Variants in PAPSS1 observed in about 807,000 individuals in gnomAD.
PAPSS1 encodes bifunctional 3'-phosphoadenosine 5'-phosphosulfate synthase 1.
PAPSS1 carries 50 observed loss-of-function variants against 72.0 expected under a neutral mutation model. The observed-to-expected ratio is 0.69, with a 90% CI of 0.55 to 0.88. PAPSS1 has a LOEUF of 0.88. Ranked by LOEUF, PAPSS1 falls within the 40% of genes least tolerant of loss-of-function variation. The probability of loss-of-function intolerance (pLI) is 0.00; values close to 1 mark genes in which losing one functional copy is unlikely to be tolerated. For synonymous variants in PAPSS1, 261 were observed against 263.6 expected (o/e 0.99, Z 0.09); for missense variants, 657 against 782.2 (o/e 0.84, Z 1.91).
At chr4:107,620,290 AG>A (rs762015345) in intron 11 of PAPSS1, among the ~76,000 whole-genome samples, 2 of 152,248 alleles carry the variant, frequency 1.3e-5, no homozygotes, top group Non-Finnish European at 2.9e-5. Context: ...CATCAAACAT[AG>A]TATACATCAA....
chr4:107,643,994 TAG>T (rs1467093819), intron 10 of PAPSS1, among the ~76,000 whole-genome samples: 2 of 152,156 alleles, frequency 1.3e-5, no homozygotes, highest in East Asian at 3.9e-4. Flanking sequence ...AAACATAGTA[TAG>T]AGAGGTCTCA....
chr4:107,638,024 G>A (rs951705751), intron 10 of PAPSS1, among the ~76,000 whole-genome samples: 2 of 151,250 alleles, frequency 1.3e-5, no homozygotes, highest in Non-Finnish European at 3.0e-5. Context: ...CAAGCTGACT[G>A]GAACAATCTA....
rs111884984 is a variant in PAPSS1, at chr4:107,679,710, G to A, written c.669+2305C>T. Among the ~76,000 whole-genome samples the A allele has an allele frequency of 6.9e-3, 1,010 of 147,010 alleles. 11 individuals are homozygous for A. The highest frequency in any genetic ancestry group is 0.023 in the African/African-American group (896 of 39,642). ...TTTTTTTTTTTTGAGACAGAATCTC[G>A]CTCTGTCACCCAGGCTGGAGAGCAG... On this transcript the variant is annotated intron_variant, in intron 5 of 11. Coordinates refer to ENST00000265174, the MANE Select transcript of PAPSS1 (RefSeq NM_005443.5).
chr4:107,626,197 A>C (rs2110298993), intron 11 of PAPSS1, among the ~76,000 whole-genome samples: 1 of 147,984 alleles, frequency 6.8e-6, no homozygotes, highest in African/African-American at 2.4e-5. Context: ...AAAAAAAAGT[A>C]TACTCTGGCA....
In PAPSS1 at chr4:107,654,841, T is replaced by C; in HGVS notation, c.955A>G (p.Arg319Gly). 1 of 1,614,032 alleles carries C rather than the reference T, an allele frequency of 6.2e-7. No individual in the cohort carries two copies. Among genetic ancestry groups the C allele is most frequent in the Non-Finnish European group, 8.5e-7 (1 of 1,179,948 alleles). The change falls in exon 8 of 12, where the codon AGG (arginine) becomes GGG (glycine). Residue 319 changes from arginine (R) to glycine (G), a missense_variant. Arg to Gly is a moderately radical substitution (Grantham distance 125). Transcript: ENST00000265174. Reference sequence around the variant, plus strand: ...GCAAATGCTGTACAGCCGTCCAGCCTCTCTTTATCTTCATGAGTCGCAGTC... The same window carrying C: ...GCAAATGCTGTACAGCCGTCCAGCCCCTCTTTATCTTCATGAGTCGCAGTC... Reference protein sequence around the residue: ...VLTATHEDKERLDGCTAFALM... With the variant: ...VLTATHEDKEGLDGCTAFALM...
At chr4:107,628,784 T>C (rs887533477) in intron 11 of PAPSS1, among the ~76,000 whole-genome samples, 17 of 152,308 alleles carry the variant, frequency 1.1e-4, no homozygotes, top group Admixed American at 1.1e-3. Flanking sequence ...CATTTTGGGC[T>C]AAGAGGGAAT....
intron 4 of PAPSS1, among the ~76,000 whole-genome samples, chr4:107,685,672 A>AC (rs1722764855): frequency 6.6e-6 from 1 of 152,244 alleles, no homozygotes. Flanking sequence ...GATTCTCCAT[A>AC]GTGGCATTAC....
At chr4:107,672,466 A>G (rs1284614285) in intron 5 of PAPSS1, among the ~76,000 whole-genome samples, 1 of 152,176 alleles carries the variant, frequency 6.6e-6, no homozygotes, top group Non-Finnish European at 1.5e-5. Context: ...AGCCTCGCTC[A>G]TTGCTAGCAC....
chr4:107,694,335 T>A (rs562863712), intron 2 of PAPSS1: 41 of 251,334 alleles, frequency 1.6e-4, no homozygotes, highest in African/African-American at 9.1e-4. Context: ...ATACATTCAT[T>A]ATGCAAAGCA....
Position 107,693,925 on chromosome 4 carries a change from A to G in PAPSS1, c.257T>C (p.Leu86Pro). The change falls in exon 3 of 12, where the codon CTG (leucine) becomes CCG (proline). Residue 86 changes from leucine to proline, a missense_variant. By Grantham distance (98) the Leu-to-Pro change is moderately conservative. Around this residue, in one of 7 missense-constraint regions of PAPSS1, gnomAD observed 119 missense variants for 171.1 expected, o/e 0.70. Transcript: ENST00000265174. Reference protein sequence around the residue: ...LVCHGIPCYTLDGDNIRQGLN... With the variant: ...LVCHGIPCYTPDGDNIRQGLN... The stretch of plus-strand genomic sequence containing the variant: ...ACCTTGACGAATATTGTCACCATCC[A>G]GAGTGTAGCATGGAATACCATGACA... The G allele has an allele frequency of 6.2e-7, 1 of 1,613,886 alleles. No homozygotes were observed.
chr4:107,624,999 A>G (rs1406510582), intron 11 of PAPSS1, among the ~76,000 whole-genome samples: 1 of 152,230 alleles, frequency 6.6e-6, no homozygotes, highest in Non-Finnish European at 1.5e-5. Flanking sequence ...AGAGTGAGGG[A>G]AAAGGATAAA....
chr4:107,677,614 G>T (rs1727689415), intron 5 of PAPSS1, among the ~76,000 whole-genome samples: 1 of 152,208 alleles, frequency 6.6e-6, no homozygotes, highest in African/African-American at 2.4e-5. Flanking sequence ...CCACCATTGT[G>T]GAAGTCAGTG....
chr4:107,621,843 T>C (rs977001297), intron 11 of PAPSS1, among the ~76,000 whole-genome samples: 2 of 151,758 alleles, frequency 1.3e-5, no homozygotes, highest in African/African-American at 4.8e-5. Flanking sequence ...TTAGCCAGGA[T>C]GGTCTTGATC....
chr4:107,665,415 A>G (rs867442351), intron 5 of PAPSS1, among the ~76,000 whole-genome samples: 1 of 152,232 alleles, frequency 6.6e-6, no homozygotes, highest in African/African-American at 2.4e-5. Flanking sequence ...TAGGATTTCC[A>G]CAGACACAGC....
At chr4:107,644,776 C>T in intron 10 of PAPSS1, 26 bp downstream of exon 10, 1 of 1,582,952 alleles carries the variant, frequency 6.3e-7, no homozygotes, top group Non-Finnish European at 8.6e-7. Context: ...AACACTGCTG[C>T]AGTGAAAATC....
At chr4:107,634,840 C>T (rs1726319585) in intron 10 of PAPSS1, among the ~76,000 whole-genome samples, 2 of 132,134 alleles carry the variant, frequency 1.5e-5, no homozygotes, top group African/African-American at 6.1e-5. Flanking sequence ...CGCTGTGTCG[C>T]CCAGGCTGGA....
At chr4:107,673,859 C>T (rs1159569895) in intron 5 of PAPSS1, among the ~76,000 whole-genome samples, 1 of 152,226 alleles carries the variant, frequency 6.6e-6, no homozygotes, top group Non-Finnish European at 1.5e-5. Flanking sequence ...TCAGCAGAAG[C>T]TCTATAAGCC....
chr4:107,620,963 AAAG>A (rs1196936121), intron 11 of PAPSS1, among the ~76,000 whole-genome samples: 1 of 152,224 alleles, frequency 6.6e-6, no homozygotes, highest in Non-Finnish European at 1.5e-5. Context: ...TTACAGTAAG[AAAG>A]AAGGTCAATG....
At chr4:107,677,422 G>A (rs1727683336) in intron 5 of PAPSS1, among the ~76,000 whole-genome samples, 1 of 151,850 alleles carries the variant, frequency 6.6e-6, no homozygotes, top group African/African-American at 2.4e-5. Flanking sequence ...GCAGCCAAAA[G>A]ACACATGAAA....
Sources: gnomAD v4.1 joint callset for allele counts (sites outside exome capture counted in the v4.1 genomes callset) on GRCh38, gnomAD v4.1.1 for gene constraint, gnomAD v4.1.1 regional missense constraint, MANE v1.5 for transcripts, NCBI Gene and HGNC (gene_info 2026-07-23, HGNC 2026-07-21) for gene names.